PLCB1: variants seen among roughly 807,000 people sequenced by gnomAD.
PLCB1 encodes the protein 1-phosphatidylinositol 4,5-bisphosphate phosphodiesterase beta-1.
In PLCB1, 46 loss-of-function variants were observed where a neutral mutation model predicts 161.8. That is an observed-to-expected ratio of 0.28 (90% CI 0.22 to 0.36). The LOEUF is 0.36. Ranked by LOEUF, PLCB1 falls within the 10% of genes least tolerant of loss-of-function variation. PLCB1 has a pLI of 1.00. For missense variants in PLCB1, 1,016 were observed against 1,472.5 expected (o/e 0.69, Z 5.07); for synonymous variants, 517 against 503.7 (o/e 1.03, Z -0.35).
At chr20:8,340,538 T>G (rs1474126769) in intron 2 of PLCB1, among the ~76,000 whole-genome samples, 11 of 152,068 alleles carry the variant, frequency 7.2e-5, no homozygotes, top group Admixed American at 7.2e-4. Context: ...TTCTCCTGCC[T>G]CAGCCTCCCG....
At chr20:8,215,596 C>T (rs992326949) in intron 2 of PLCB1, among the ~76,000 whole-genome samples, 15 of 152,054 alleles carry the variant, frequency 9.9e-5, no homozygotes, top group Non-Finnish European at 2.1e-4. Flanking sequence ...GGAATTCTCT[C>T]ACAACAGTCC....
intron 18 of PLCB1, chr20:8,732,057 C>T (rs539490425): frequency 6.6e-6 from 1 of 152,116 alleles, no homozygotes; most frequent in African/African-American, 2.4e-5. Context: ...TATTCTTTCA[C>T]TCTATCAGTT....
intron 1 of PLCB1, among the ~76,000 whole-genome samples, chr20:8,148,575 G>A (rs192729615): frequency 6.6e-6 from 1 of 152,214 alleles, no homozygotes; most frequent in East Asian, 1.9e-4. Flanking sequence ...TGAAACCAAG[G>A]ACTCAGATAG....
chr20:8,314,559 A>G (rs1387564871), intron 2 of PLCB1, among the ~76,000 whole-genome samples: 1 of 152,218 alleles, frequency 6.6e-6, no homozygotes, highest in Non-Finnish European at 1.5e-5. Context: ...TGTCTGCCTC[A>G]GTTTCCCTAT....
chr20:8,768,162 C>CT (rs1404703177), intron 26 of PLCB1, among the ~76,000 whole-genome samples: 1 of 152,144 alleles, frequency 6.6e-6, no homozygotes, highest in African/African-American at 2.4e-5. Flanking sequence ...GAGAAGGACT[C>CT]TGTCTCAAGA....
At chr20:8,789,623 T>G in intron 30 of PLCB1, 48 bp downstream of exon 30, 1 of 1,374,140 alleles carries the variant, frequency 7.3e-7, no homozygotes. Flanking sequence ...TGTGTGAACA[T>G]TTGGTGAGCT....
At chr20:8,237,209 A>C (rs1057459182) in intron 2 of PLCB1, among the ~76,000 whole-genome samples, 1 of 152,214 alleles carries the variant, frequency 6.6e-6, no homozygotes, top group East Asian at 1.9e-4. Context: ...TTGAAACATA[A>C]ACTGTAAGTA....
intron 3 of PLCB1, among the ~76,000 whole-genome samples, chr20:8,463,187 G>GTC (rs1207041838): frequency 6.6e-6 from 1 of 150,654 alleles, no homozygotes; most frequent in South Asian, 2.1e-4. Flanking sequence ...GTGTGTCTGT[G>GTC]TATGTGTGTG....
In PLCB1 at chr20:8,884,541, C is replaced by G. The variant is rs1988106362; in HGVS notation, c.*2692C>G. On this transcript the variant is annotated 3_prime_UTR_variant, in exon 32 of 32. Transcript: ENST00000338037. Reference sequence around the variant, plus strand: ...ATTTCATTTTAAAATTTGAGTATCACCATACATTAATTAATACTCCTGTAG... The same window carrying G: ...ATTTCATTTTAAAATTTGAGTATCAGCATACATTAATTAATACTCCTGTAG... The G allele has an allele frequency of 6.6e-6, 1 of 152,452 alleles. No individual in the cohort carries two copies. The highest frequency in any genetic ancestry group is 6.6e-5 in the Admixed American group (1 of 15,256). The allele number at this position is 152,452 out of a possible 1,614,324, so 9.4% of individuals were successfully genotyped here.
chr20:8,268,673 A>G (rs1982110530), intron 2 of PLCB1, among the ~76,000 whole-genome samples: 2 of 152,174 alleles, frequency 1.3e-5, no homozygotes, highest in South Asian at 4.1e-4. Flanking sequence ...CTAGTGTGAC[A>G]TGGTATCTCA....
chr20:8,807,145 G>A lies in PLCB1; in HGVS notation c.3423+16884G>A, dbSNP rs556110466. 1.0e-3 allele frequency among the ~76,000 whole-genome samples: 152 copies of A among 152,296 alleles called. 2 individuals are homozygous for A. The highest frequency in any genetic ancestry group is 1.0e-3 in the South Asian group (5 of 4,820). On this transcript the variant is annotated intron_variant, in intron 31 of 31. Transcript: ENST00000338037. The stretch of plus-strand genomic sequence containing the variant: ...TATGATCTCTTTTGAGTCCGTGAAG[G>A]ATGCGATTAATTAAAGTCGGAAGTT...
At chr20:8,530,527 C>T (rs934332865) in intron 3 of PLCB1, among the ~76,000 whole-genome samples, 8 of 151,982 alleles carry the variant, frequency 5.3e-5, no homozygotes, top group Non-Finnish European at 1.2e-4. Flanking sequence ...TTTATTTAAA[C>T]TACATTGCAT....
chr20:8,505,302 T>C (rs913798394), intron 3 of PLCB1, among the ~76,000 whole-genome samples: 1 of 152,212 alleles, frequency 6.6e-6, no homozygotes, highest in African/African-American at 2.4e-5. Flanking sequence ...TCCTTTCTCA[T>C]TGAGTGGCGA....
chr20:8,523,496 C>CTCTCTATA lies in PLCB1; in HGVS notation c.247-104797_247-104796insCTCTATAT. 8.5e-4 allele frequency among the ~76,000 whole-genome samples: 44 copies of CTCTCTATA among 51,650 alleles called. 1 individual carries two copies. The highest frequency in any genetic ancestry group is 3.3e-3 in the South Asian group (5 of 1,510). 33.9% of individuals were successfully genotyped at this position (51,650 alleles called of 152,430 possible). A position where few individuals can be genotyped will look rare whatever the true frequency, so the allele number is the denominator to read the frequency against. ...TCTCTCTCTCTCTCTCTCTCTCTCT[C>CTCTCTATA]TATATATATATATATATATATATAT... On this transcript the variant is annotated intron_variant, in intron 3 of 31. Coordinates refer to ENST00000338037, the MANE Select transcript of PLCB1 (RefSeq NM_015192.4).
At chr20:8,551,092 T>C (rs377038914) in intron 3 of PLCB1, among the ~76,000 whole-genome samples, 1 of 152,316 alleles carries the variant, frequency 6.6e-6, no homozygotes, top group Non-Finnish European at 1.5e-5. Context: ...TCATAAGACA[T>C]GAATGACTGC....
intron 3 of PLCB1, among the ~76,000 whole-genome samples, chr20:8,384,984 G>A (rs116462555): frequency 1.3e-5 from 2 of 152,308 alleles, no homozygotes; most frequent in African/African-American, 4.8e-5. Flanking sequence ...TGACAACCAC[G>A]TTGGAGGGTC....
intron 31 of PLCB1, among the ~76,000 whole-genome samples, chr20:8,853,456 TATA>T (rs1387904648): frequency 1.3e-5 from 2 of 152,234 alleles, no homozygotes; most frequent in Non-Finnish European, 2.9e-5. Flanking sequence ...TGCAACTTTA[TATA>T]AACAGTCATA....
intron 2 of PLCB1, among the ~76,000 whole-genome samples, chr20:8,194,170 C>T (rs1209314341): frequency 1.3e-5 from 2 of 152,014 alleles, no homozygotes; most frequent in African/African-American, 4.8e-5. Flanking sequence ...GGAGTCTAAT[C>T]CAGTATTTGC....
At chr20:8,716,384 A>G (rs2123465888) in intron 13 of PLCB1, 36 bp downstream of exon 13, 1 of 1,435,936 alleles carries the variant, frequency 7.0e-7, no homozygotes, top group Non-Finnish European at 9.8e-7. Flanking sequence ...GAAGGAATGT[A>G]TGCATTATTG....
Sources: gnomAD v4.1 joint callset for allele counts (sites outside exome capture counted in the v4.1 genomes callset) on GRCh38, gnomAD v4.1.1 for gene constraint, MANE v1.5 for transcripts, NCBI Gene and HGNC (gene_info 2026-07-23, HGNC 2026-07-21) for gene names.